Variants in PDE1C observed in about 807,000 individuals in gnomAD.
PDE1C encodes dual specificity calcium/calmodulin-dependent 3',5'-cyclic nucleotide phosphodiesterase 1C.
PDE1C carries 62 observed loss-of-function variants against 93.1 expected under a neutral mutation model. That is an observed-to-expected ratio of 0.67 (90% CI 0.54 to 0.82). The LOEUF is 0.82. Among genes scored for constraint, PDE1C ranks in the 40% least tolerant of loss-of-function variants. The pLI, the probability that PDE1C is intolerant of heterozygous loss-of-function variation, is 0.00. For missense variants in PDE1C, 742 were observed against 884.6 expected, an observed-to-expected ratio of 0.84 and a Z score of 2.04; for synonymous variants, 325 against 310.1, an observed-to-expected ratio of 1.05 and a Z score of -0.50.
intron 8 of PDE1C, among the ~76,000 whole-genome samples, chr7:31,849,875 G>A (rs181648725): frequency 1.8e-4 from 28 of 152,264 alleles, no homozygotes; most frequent in African/African-American, 6.3e-4. Context: ...TTTATCCTAA[G>A]TAGAAATGAC....
Position 32,406,506 on chromosome 7 carries a change from T to A in PDE1C, c.310+21316A>T, listed in dbSNP as rs7782512. Among the ~76,000 whole-genome samples, 602 of 145,292 alleles carry A rather than the reference T, an allele frequency of 4.1e-3. 3 individuals carry two copies. Among genetic ancestry groups the A allele is most frequent in the African/African-American group, 0.015 (590 of 38,744 alleles). On this transcript the variant is annotated intron_variant, in intron 1 of 1. Coordinates refer to the PDE1C transcript ENST00000672256. Reference sequence around the variant, plus strand: ...TCTTGTTCAGCAAAATATATTGATGTTTACACCAAAACACCTCCATAATGC... The same window carrying A: ...TCTTGTTCAGCAAAATATATTGATGATTACACCAAAACACCTCCATAATGC...
At chr7:32,236,238 G>A (rs139977902) in intron 1 of PDE1C, among the ~76,000 whole-genome samples, 220 of 151,988 alleles carry the variant, frequency 1.4e-3, no homozygotes, top group African/African-American at 5.0e-3. Context: ...TTCATGTATT[G>A]GAACACTCAA....
At chr7:32,363,141 G>T (rs1002821391) in intron 1 of PDE1C, among the ~76,000 whole-genome samples, 1 of 152,166 alleles carries the variant, frequency 6.6e-6, no homozygotes, top group Non-Finnish European at 1.5e-5. Context: ...GTGAAAGGGG[G>T]CATCTTTATT....
intron 7 of PDE1C, among the ~76,000 whole-genome samples, chr7:31,862,782 A>G (rs78570344): frequency 0.015 from 2,251 of 152,288 alleles, 53 homozygotes; most frequent in African/African-American, 0.051. Context: ...AGGACCCAGC[A>G]TATAAGTTCT....
In PDE1C at chr7:32,112,050, C is replaced by T. The variant is rs1369094576; in HGVS notation, c.308+57735G>A. Among the ~76,000 whole-genome samples, 4 of 152,250 alleles carry T rather than the reference C, an allele frequency of 2.6e-5. No homozygotes were observed. In the South Asian group the frequency reaches 6.2e-4, roughly 24 times the overall value. ...ATAATTCTGTTCCCAAACAGATGGGCCATTAGAAACCTAAACTTTCTAAAC... is the reference window on the plus strand; with the variant it reads ...ATAATTCTGTTCCCAAACAGATGGGTCATTAGAAACCTAAACTTTCTAAAC... On this transcript the variant is annotated intron_variant, in intron 3 of 18. Coordinates refer to the PDE1C transcript ENST00000396193.
intron 2 of PDE1C, among the ~76,000 whole-genome samples, chr7:32,000,455 G>T (rs1444491439): frequency 6.6e-6 from 1 of 152,156 alleles, no homozygotes; most frequent in African/African-American, 2.4e-5. Context: ...GAAGGCATAG[G>T]CGTGGAGCAA....
At chr7:32,399,616 T>G (rs1318970834) in intron 1 of PDE1C, among the ~76,000 whole-genome samples, 1 of 140,036 alleles carries the variant, frequency 7.1e-6, no homozygotes, top group Non-Finnish European at 1.5e-5. Flanking sequence ...AGAGTCTTCC[T>G]CTGTTGCCCA....
At chr7:31,806,099 T>C (rs1786788713) in intron 16 of PDE1C, among the ~76,000 whole-genome samples, 1 of 151,932 alleles carries the variant, frequency 6.6e-6, no homozygotes, top group South Asian at 2.1e-4. Context: ...AGACCATCCA[T>C]AAACATTCCA....
chr7:31,820,101 T>C (rs1353983760), intron 14 of PDE1C, among the ~76,000 whole-genome samples: 1 of 152,108 alleles, frequency 6.6e-6, no homozygotes, highest in Non-Finnish European at 1.5e-5. Context: ...AATCATATAC[T>C]GTAAATCTAA....
chr7:31,847,233 T>C (rs1583585602), intron 9 of PDE1C, among the ~76,000 whole-genome samples: 2 of 135,878 alleles, frequency 1.5e-5, no homozygotes, highest in East Asian at 6.6e-4. Flanking sequence ...AATGTTACTA[T>C]CTATTTTCAA....
intron 2 of PDE1C, among the ~76,000 whole-genome samples, chr7:32,009,729 AAAG>A (rs575372702): frequency 5.1e-4 from 78 of 152,324 alleles, no homozygotes; most frequent in African/African-American, 1.8e-3. Flanking sequence ...GCAGACTGGA[AAAG>A]AAGAAGTAAA....
At chr7:31,652,290 G>T in the PDE1C span, among the ~76,000 whole-genome samples, 1 of 152,118 alleles carries the variant, frequency 6.6e-6, no homozygotes, top group Non-Finnish European at 1.5e-5. Flanking sequence ...GTACATCATA[G>T]AGAAGTCCTA....
chr7:32,387,926 CAGCTCTTCCAA>C (rs1784673801), intron 1 of PDE1C, among the ~76,000 whole-genome samples: 2 of 152,198 alleles, frequency 1.3e-5, no homozygotes, highest in Non-Finnish European at 2.9e-5. Context: ...CAGCTCCAGT[CAGCTCTTCCAA>C]AGCTTTCCTG....
the PDE1C span, among the ~76,000 whole-genome samples, chr7:31,664,261 T>G: frequency 6.6e-6 from 1 of 152,192 alleles, no homozygotes; most frequent in Non-Finnish European, 1.5e-5. Flanking sequence ...CTTTCAGCAT[T>G]GATTAGGTCA....
chr7:31,884,507 A>G (rs1253391006), intron 2 of PDE1C, among the ~76,000 whole-genome samples: 1 of 152,176 alleles, frequency 6.6e-6, no homozygotes, highest in Admixed American at 6.5e-5. Context: ...GTATATACCC[A>G]TCTCCTGTTT....
At chr7:32,147,874 T>C (rs1800994131) in intron 3 of PDE1C, among the ~76,000 whole-genome samples, 1 of 149,644 alleles carries the variant, frequency 6.7e-6, no homozygotes, top group African/African-American at 2.5e-5. Flanking sequence ...CCATTGGGAG[T>C]TGGGGGAAGC....
intron 2 of PDE1C, among the ~76,000 whole-genome samples, chr7:31,937,578 T>C (rs558917411): frequency 1.3e-5 from 2 of 152,272 alleles, no homozygotes; most frequent in South Asian, 4.1e-4. Flanking sequence ...AGATCCATTC[T>C]TTTGGCTAGG....
At chr7:32,301,457 G>T (rs1370431118), upstream of PDE1C, among the ~76,000 whole-genome samples, 1 of 152,158 alleles carries the variant, frequency 6.6e-6, no homozygotes, top group African/African-American at 2.4e-5. Flanking sequence ...TCACTTCTCT[G>T]TCCCCTAAAG....
At chr7:31,964,211 A>G (rs1171330855) in intron 2 of PDE1C, among the ~76,000 whole-genome samples, 1 of 152,240 alleles carries the variant, frequency 6.6e-6, no homozygotes, top group Non-Finnish European at 1.5e-5. Flanking sequence ...TCCTAGTCAA[A>G]GAAAGGGATG....
Sources: allele counts gnomAD v4.1 joint callset (sites outside exome capture counted in the v4.1 genomes callset), GRCh38; gene constraint gnomAD v4.1.1; transcripts MANE v1.5; gene names NCBI Gene and HGNC (gene_info 2026-07-23, HGNC 2026-07-21).